The following RHOA variants were observed in gnomAD, a reference collection of about 807,000 sequenced individuals.
The protein encoded by RHOA is transforming protein RhoA.
A neutral mutation model predicts 17.5 loss-of-function variants in RHOA; 3 were observed. That is an observed-to-expected ratio of 0.17 (90% CI 0.08 to 0.44). RHOA has a LOEUF of 0.44. Among genes scored for constraint, RHOA ranks in the 20% least tolerant of loss-of-function variants. The pLI, the probability that RHOA is intolerant of heterozygous loss-of-function variation, is 0.99. For synonymous variants in RHOA, 98 were observed against 88.4 expected (o/e 1.11, Z -0.61); for missense variants, 56 against 242.3 (o/e 0.23, Z 5.10).
chr3:49,390,012 T>C (rs1449932034), intron 1 of RHOA, among the ~76,000 whole-genome samples: 2 of 151,940 alleles, frequency 1.3e-5, no homozygotes, highest in Non-Finnish European at 2.9e-5. Flanking sequence ...CATACTGATT[T>C]AGAAGACAGA....
intron 1 of RHOA, among the ~76,000 whole-genome samples, chr3:49,389,089 C>G (rs564454844): frequency 6.6e-6 from 1 of 151,504 alleles, no homozygotes; most frequent in South Asian, 2.1e-4. Context: ...CGCCTGTAAT[C>G]CCAGCACTTT....
intron 2 of RHOA, among the ~76,000 whole-genome samples, chr3:49,373,038 T>G (rs953800174): frequency 6.6e-6 from 1 of 151,694 alleles, no homozygotes; most frequent in Non-Finnish European, 1.5e-5. Context: ...CAGAAAGAAA[T>G]AAGTAATGTG....
At chr3:49,397,866 G>C (rs2048644454) in intron 1 of RHOA, among the ~76,000 whole-genome samples, 1 of 152,130 alleles carries the variant, frequency 6.6e-6, no homozygotes, top group Admixed American at 6.6e-5. Context: ...CAAGGAAAGG[G>C]AACAGGAGAT....
intron 1 of RHOA, among the ~76,000 whole-genome samples, chr3:49,387,659 G>A (rs760950816): frequency 9.3e-5 from 14 of 150,844 alleles, no homozygotes; most frequent in Non-Finnish European, 1.8e-4. Flanking sequence ...GTAGGAGAAT[G>A]GTGTGAACCC....
Position 49,382,306 on chromosome 3 carries a change from G to C in RHOA, c.-2-6715C>G, listed in dbSNP as rs532961433. Among the ~76,000 whole-genome samples the C allele has an allele frequency of 1.1e-4, 16 of 148,362 alleles. 2 individuals are homozygous for C. The South Asian group carries it at 3.2e-3, about 30-fold the overall frequency. ...TGCACTCCAGCCTGGGTGACAGAGA[G>C]AGACTCCGTCTCAAAAATAAATAAA... is the stretch of plus-strand genomic sequence containing the variant. On this transcript the variant is annotated intron_variant, in intron 1 of 4. Coordinates refer to ENST00000418115, the MANE Select transcript of RHOA (RefSeq NM_001664.4).
intron 3 of RHOA, among the ~76,000 whole-genome samples, chr3:49,367,804 C>T (rs2048084019): frequency 6.6e-6 from 1 of 151,842 alleles, no homozygotes; most frequent in African/African-American, 2.4e-5. Context: ...TTACAGGTGT[C>T]AGCCGCCGCA....
rs192386759 is a variant in RHOA at position 49,378,006 on chromosome 3, G to A, written c.-2-2415C>T. 5.2e-3 allele frequency among the ~76,000 whole-genome samples: 792 copies of A among 151,218 alleles called. 29 individuals are homozygous for A. The highest frequency in any genetic ancestry group is 0.047 in the Admixed American group (710 of 15,082). On this transcript the variant is annotated intron_variant, in intron 1 of 4. Coordinates refer to ENST00000418115, the MANE Select transcript of RHOA (RefSeq NM_001664.4). The stretch of plus-strand genomic sequence containing the variant: ...TCTACAAAAAATTCAAAACTTAGCC[G>A]GGTGTGGTGGTGGGCACCTGTAATC...
chr3:49,373,804 T>G (rs1281529897), intron 2 of RHOA, among the ~76,000 whole-genome samples: 1 of 145,868 alleles, frequency 6.9e-6, no homozygotes, highest in South Asian at 2.1e-4. Flanking sequence ...TCTCTTTATT[T>G]AAGAGAAAAA....
At chr3:49,411,733 CGG>C (rs2048941749) in intron 1 of RHOA, 85 bp downstream of exon 1, 1 of 151,894 alleles carries the variant, frequency 6.6e-6, no homozygotes, top group South Asian at 2.1e-4. Flanking sequence ...GGCGCGGCCG[CGG>C]CGGTGCGGCG....
intron 1 of RHOA, among the ~76,000 whole-genome samples, chr3:49,403,844 G>T (rs938879760): frequency 2.1e-4 from 32 of 152,042 alleles, no homozygotes; most frequent in Non-Finnish European, 4.6e-4. Context: ...TTGGGGAACT[G>T]GATTCCAAGT....
At chr3:49,394,575 T>A (rs2048580692) in intron 1 of RHOA, among the ~76,000 whole-genome samples, 1 of 151,478 alleles carries the variant, frequency 6.6e-6, no homozygotes, top group Non-Finnish European at 1.5e-5. Flanking sequence ...GGTCTCAAAC[T>A]CTTCACCTCA....
Position 49,375,594 on chromosome 3 carries a change from G to A in RHOA, c.-2-3C>T, listed in dbSNP as rs879044416. 1 of 1,612,560 alleles carries A rather than the reference G, an allele frequency of 6.2e-7. No homozygotes were observed. Among genetic ancestry groups the A allele is most frequent in the Non-Finnish European group, 8.5e-7 (1 of 1,179,328 alleles). On this transcript the variant is annotated splice_polypyrimidine_tract_variant and splice_region_variant and intron_variant, in intron 1 of 4. Transcript: ENST00000418115. ...TTTCTTCCGGATGGCAGCCATTGCT[G>A]AAACACAAAACACAGATATTACCTG... is the stretch of plus-strand genomic sequence containing the variant.
chr3:49,386,489 C>T (rs1384857021), intron 1 of RHOA, among the ~76,000 whole-genome samples: 2 of 152,172 alleles, frequency 1.3e-5, no homozygotes, highest in Non-Finnish European at 2.9e-5. Flanking sequence ...ATTTGTTCAA[C>T]GTCAGTCGCA....
chr3:49,363,780 A>T (rs2048010576), intron 3 of RHOA, among the ~76,000 whole-genome samples: 1 of 152,044 alleles, frequency 6.6e-6, no homozygotes, highest in Non-Finnish European at 1.5e-5. Flanking sequence ...TGAACCCAGG[A>T]GGTGGAGGTT....
At chr3:49,384,073 C>T (rs889835618) in intron 1 of RHOA, among the ~76,000 whole-genome samples, 12 of 151,996 alleles carry the variant, frequency 7.9e-5, no homozygotes, top group Non-Finnish European at 1.2e-4. Context: ...TGATAAAGAA[C>T]ATTTGGCCCA....
At chr3:49,374,254 CAGG>C (rs2048189416) in intron 2 of RHOA, among the ~76,000 whole-genome samples, 1 of 152,144 alleles carries the variant, frequency 6.6e-6, no homozygotes, top group African/African-American at 2.4e-5. Context: ...GAGGATGAGG[CAGG>C]AGAACAGCGT....
intron 1 of RHOA, among the ~76,000 whole-genome samples, chr3:49,398,587 G>T (rs994163766): frequency 7.3e-5 from 11 of 150,628 alleles, no homozygotes; most frequent in African/African-American, 1.9e-4. Flanking sequence ...ACTTTGGGAG[G>T]CCAAGGCGGG....
In RHOA at chr3:49,405,823, T is replaced by G. The variant is rs765941793; in HGVS notation, c.-3+5997A>C. On this transcript the variant is annotated intron_variant, in intron 1 of 4. Coordinates refer to ENST00000418115, the MANE Select transcript of RHOA (RefSeq NM_001664.4). Reference sequence around the variant, plus strand: ...CTTCAGCCTTCCGAGTAGCTGGGATTACAGGCACTCACTAATACACTCGGC... The same window carrying G: ...CTTCAGCCTTCCGAGTAGCTGGGATGACAGGCACTCACTAATACACTCGGC... Among the ~76,000 whole-genome samples, 3 of 152,144 alleles carry G rather than the reference T, an allele frequency of 2.0e-5. No individual in the cohort carries two copies. In the East Asian group the frequency reaches 5.8e-4, roughly 29 times the overall value.
At chr3:49,407,810 A>G (rs1575292180) in intron 1 of RHOA, among the ~76,000 whole-genome samples, 1 of 152,056 alleles carries the variant, frequency 6.6e-6, no homozygotes, top group Non-Finnish European at 1.5e-5. Context: ...AACTTACTTC[A>G]TTGGCTGTGT....
Sources: allele counts gnomAD v4.1 joint callset (sites outside exome capture counted in the v4.1 genomes callset), GRCh38; gene constraint gnomAD v4.1.1; transcripts MANE v1.5; gene names NCBI Gene and HGNC (gene_info 2026-07-23, HGNC 2026-07-21).